Variants in SMYD3 observed in about 807,000 individuals in gnomAD.
The protein encoded by SMYD3 is SET and MYND domain containing 3.
SMYD3 carries 36 observed loss-of-function variants against 57.7 expected under a neutral mutation model. The ratio of observed to expected loss-of-function variants is 0.62; its 90% confidence interval spans 0.48 to 0.82. The LOEUF (loss-of-function observed/expected upper bound fraction) is 0.82, where lower values mean the gene tolerates loss of function less well. Ranked by LOEUF, SMYD3 falls within the 40% of genes least tolerant of loss-of-function variation. The pLI is 0.00. For synonymous variants in SMYD3, 211 were observed against 195.0 expected (o/e 1.08, Z -0.68); for missense variants, 515 against 538.8 (o/e 0.96, Z 0.44).
intron 5 of SMYD3, among the ~76,000 whole-genome samples, chr1:246,216,233 G>A (rs1187799319): frequency 1.3e-5 from 2 of 150,530 alleles, no homozygotes; most frequent in East Asian, 3.9e-4. Context: ...GTTGCAGTGA[G>A]CCGAGATAGC....
intron 10 of SMYD3, among the ~76,000 whole-genome samples, chr1:245,789,594 G>C (rs1336964701): frequency 2.6e-5 from 4 of 152,262 alleles, no homozygotes; most frequent in African/African-American, 9.6e-5. Flanking sequence ...CAATTGTGTG[G>C]TCTGTATTCT....
At chr1:246,118,115 C>G (rs1052699936) in intron 5 of SMYD3, among the ~76,000 whole-genome samples, 1 of 152,050 alleles carries the variant, frequency 6.6e-6, no homozygotes, top group African/African-American at 2.4e-5. Flanking sequence ...GTATATAAAC[C>G]TGAAGTGCTA....
intron 10 of SMYD3, among the ~76,000 whole-genome samples, chr1:245,849,463 T>C (rs1025067189): frequency 1.3e-5 from 2 of 151,892 alleles, no homozygotes; most frequent in South Asian, 2.1e-4. Flanking sequence ...AGATGAGTTA[T>C]GTGTATGGAC....
chr1:246,342,542 T>C (rs1192650193), intron 2 of SMYD3, among the ~76,000 whole-genome samples: 2 of 152,172 alleles, frequency 1.3e-5, no homozygotes, highest in Non-Finnish European at 2.9e-5. Flanking sequence ...ACAGCTACAG[T>C]TGACTGACAG....
rs141470883 is a variant in SMYD3 at position 246,469,006 on chromosome 1, C to T, written c.164+38048G>A. ...GCCTCTGTACATGGTAGCCTTTTCA[C>T]GCTAAACCCAGGCTACTGCCTACCC... On this transcript the variant is annotated intron_variant, in intron 1 of 11. Coordinates refer to ENST00000490107, the MANE Select transcript of SMYD3 (RefSeq NM_001167740.2). Among the ~76,000 whole-genome samples the T allele has an allele frequency of 3.5e-3, 533 of 152,286 alleles. 1 individual carries two copies. The highest frequency in any genetic ancestry group is 0.012 in the African/African-American group (498 of 41,572).
At chr1:245,751,129 T>C (rs1471397294) in intron 11 of SMYD3, among the ~76,000 whole-genome samples, 1 of 152,266 alleles carries the variant, frequency 6.6e-6, no homozygotes, top group African/African-American at 2.4e-5. Flanking sequence ...ATCATGCTTA[T>C]AAACCATTAT....
At chr1:245,792,810 C>T (rs1367387822) in intron 10 of SMYD3, among the ~76,000 whole-genome samples, 2 of 152,214 alleles carry the variant, frequency 1.3e-5, no homozygotes, top group African/African-American at 2.4e-5. Flanking sequence ...GGGACGACGT[C>T]GAAGTTCAAA....
intron 5 of SMYD3, among the ~76,000 whole-genome samples, chr1:246,302,340 A>C (rs1191338700): frequency 2.0e-5 from 3 of 152,132 alleles, no homozygotes; most frequent in African/African-American, 7.2e-5. Flanking sequence ...GCAATGCTAA[A>C]AGGAAGCATT....
At chr1:245,792,869 C>T (rs943072186) in intron 10 of SMYD3, among the ~76,000 whole-genome samples, 2 of 152,156 alleles carry the variant, frequency 1.3e-5, no homozygotes, top group South Asian at 4.1e-4. Context: ...TCGGTCATCT[C>T]AGTGGCTGCT....
chr1:246,374,985 C>CG (rs2066250539), intron 1 of SMYD3, among the ~76,000 whole-genome samples: 1 of 152,024 alleles, frequency 6.6e-6, no homozygotes, highest in Non-Finnish European at 1.5e-5. Context: ...TCCAGCTACT[C>CG]GGGAGGCTGA....
rs994995027 is a variant in SMYD3, at chr1:245,764,061, C to T, written c.1165G>A (p.Ala389Thr). The T allele has an allele frequency of 1.9e-6, 3 of 1,613,816 alleles. No homozygotes were observed. The highest frequency in any genetic ancestry group is 4.5e-5 in the East Asian group (2 of 44,850). Residue 389 changes from alanine to threonine, a missense_variant, in exon 11 of 12, where the codon GCA (alanine) becomes ACA (threonine). Transcript: ENST00000490107. ...CTCACCAGTCTCAGATTCTTCATTG[C>T]TTGGGGAAACATGCCTTGATGTAGC... is the stretch of plus-strand genomic sequence containing the variant. ...LQLHQGMFPQ[A>T]MKNLRLAFDI...
intron 5 of SMYD3, among the ~76,000 whole-genome samples, chr1:246,316,761 C>T (rs1310754954): frequency 4.0e-5 from 6 of 149,500 alleles, no homozygotes; most frequent in Admixed American, 6.6e-5. Context: ...TTTGGGAGGC[C>T]GAGGCGAGCG....
At chr1:246,324,209 G>A (rs1407579813) in intron 5 of SMYD3, among the ~76,000 whole-genome samples, 1 of 152,120 alleles carries the variant, frequency 6.6e-6, no homozygotes, top group Non-Finnish European at 1.5e-5. Context: ...GAGGTCAGGA[G>A]ATTGAGACCA....
rs1176122313 is a variant in SMYD3, at chr1:246,071,979, CTT to C, written c.532-142044_532-142043del. On this transcript the variant is annotated intron_variant, in intron 5 of 11. Transcript: ENST00000490107. The stretch of plus-strand genomic sequence containing the variant: ...TTAGTTCTGGGGAGGGATTCGTGTG[CTT>C]TCCACTGTGCTCACTGTGGATGCAT... Among the ~76,000 whole-genome samples the C allele has an allele frequency of 6.9e-4, 89 of 129,282 alleles. 4 individuals are homozygous for C. Among genetic ancestry groups the C allele is most frequent in the East Asian group, 4.4e-3 (19 of 4,322 alleles). The allele number at this position is 129,282 out of a possible 152,430, so 84.8% of individuals were successfully genotyped here. A position where few individuals can be genotyped will look rare whatever the true frequency, so the allele number is the denominator to read the frequency against.
chr1:245,835,285 A>G (rs1315723524), intron 10 of SMYD3, among the ~76,000 whole-genome samples: 3 of 151,820 alleles, frequency 2.0e-5, no homozygotes, highest in African/African-American at 4.8e-5. Flanking sequence ...ACACCCAGCT[A>G]ATTTTTGTAT....
chr1:246,481,621 T>TCTATATATATATAC (rs2068105856), intron 1 of SMYD3, among the ~76,000 whole-genome samples: 1 of 98,552 alleles, frequency 1.0e-5, no homozygotes, highest in Non-Finnish European at 2.1e-5. Context: ...CATACATATA[T>TCTATATATATATAC]ACATACATAC....
At chr1:246,340,088 T>A (rs12131686) in intron 2 of SMYD3, among the ~76,000 whole-genome samples, 83,322 of 151,974 alleles carry the variant, frequency 0.55, 23,690 homozygotes, top group Middle Eastern at 0.71. Context: ...AAGGAGGTCG[T>A]TATATATACT....
chr1:246,182,171 G>C (rs1051568425), intron 5 of SMYD3, among the ~76,000 whole-genome samples: 7 of 152,110 alleles, frequency 4.6e-5, no homozygotes, highest in Non-Finnish European at 8.8e-5. Context: ...ACATTAAAGA[G>C]AGAGAGAAAG....
At chr1:246,452,895 T>C (rs1427699866) in intron 1 of SMYD3, among the ~76,000 whole-genome samples, 1 of 152,144 alleles carries the variant, frequency 6.6e-6, no homozygotes, top group Non-Finnish European at 1.5e-5. Context: ...CACACAAGCA[T>C]TTCTGTTGAA....
Sources: gnomAD v4.1 joint callset for allele counts (sites outside exome capture counted in the v4.1 genomes callset) on GRCh38, gnomAD v4.1.1 for gene constraint, MANE v1.5 for transcripts, NCBI Gene and HGNC (gene_info 2026-07-23, HGNC 2026-07-21) for gene names.